VGLL3: variants seen among roughly 807,000 people sequenced by gnomAD.
VGLL3 encodes vestigial like family member 3.
VGLL3 carries 18 observed loss-of-function variants against 29.2 expected under a neutral mutation model. The observed-to-expected ratio is 0.62, with a 90% CI of 0.43 to 0.91. The LOEUF (loss-of-function observed/expected upper bound fraction) is 0.91, where lower values mean the gene tolerates loss of function less well. Ranked by LOEUF, VGLL3 falls within the 40% of genes least tolerant of loss-of-function variation. The pLI, the probability that VGLL3 is intolerant of heterozygous loss-of-function variation, is 0.00. For synonymous variants in VGLL3, 180 were observed against 151.8 expected, an observed-to-expected ratio of 1.19 and a Z score of -1.36; for missense variants, 440 against 413.2, an observed-to-expected ratio of 1.06 and a Z score of -0.56.
intron 3 of VGLL3, among the ~76,000 whole-genome samples, chr3:86,966,994 T>C (rs925799606): frequency 1.7e-4 from 26 of 151,536 alleles, no homozygotes; most frequent in South Asian, 1.3e-3. Flanking sequence ...TTCATCTTGA[T>C]GAGATTATTT....
chr3:86,978,579 T>C lies in VGLL3; in HGVS notation c.350A>G (p.His117Arg). ...SRALGQAITL[H>R]PESAISKSKM... The stretch of plus-strand genomic sequence containing the variant: ...GCTTTTTGAAATGGCAGATTCTGGA[T>C]GGAGGGTGATGGCTTGGCCCAAAGC... The change falls in exon 2 of 4, where the codon CAT becomes CGT. Residue 117 changes from histidine to arginine, a missense_variant. Coordinates refer to ENST00000398399, the MANE Select transcript of VGLL3 (RefSeq NM_016206.4). The C allele has an allele frequency of 6.2e-7, 1 of 1,614,160 alleles. No individual in the cohort carries two copies. Among genetic ancestry groups the C allele is most frequent in the South Asian group, 1.1e-5 (1 of 91,080 alleles).
chr3:86,989,853 G>C (rs1479331975), intron 1 of VGLL3, among the ~76,000 whole-genome samples: 1 of 152,062 alleles, frequency 6.6e-6, no homozygotes, highest in Non-Finnish European at 1.5e-5. Flanking sequence ...GAACTCTACT[G>C]TTCCTTCTAA....
chr3:86,952,862 AG>A (rs1378855272), intron 3 of VGLL3, among the ~76,000 whole-genome samples: 7 of 152,198 alleles, frequency 4.6e-5, no homozygotes, highest in African/African-American at 1.7e-4. Context: ...GATCACAAAA[AG>A]GTGCGAGAGA....
Position 86,987,121 on chromosome 3 carries a change from T to G in VGLL3, c.126+3497A>C, listed in dbSNP as rs145347145. 5.5e-4 allele frequency among the ~76,000 whole-genome samples: 83 copies of G among 152,288 alleles called. No homozygotes were observed. In the South Asian group the frequency reaches 0.015, roughly 27 times the overall value. Reference sequence around the variant, plus strand: ...AAAGGGGGATCTGGTGATCCTAATTTTGTCACCAGCTTTGAAATCTTTAGC... The same window carrying G: ...AAAGGGGGATCTGGTGATCCTAATTGTGTCACCAGCTTTGAAATCTTTAGC... On this transcript the variant is annotated intron_variant, in intron 1 of 3. Coordinates refer to ENST00000398399, the MANE Select transcript of VGLL3 (RefSeq NM_016206.4).
chr3:86,979,329 G>A (rs1299210737), intron 1 of VGLL3, among the ~76,000 whole-genome samples: 1 of 152,136 alleles, frequency 6.6e-6, no homozygotes, highest in Non-Finnish European at 1.5e-5. Flanking sequence ...TGGCAGATGT[G>A]CTGAACTCAT....
intron 1 of VGLL3, among the ~76,000 whole-genome samples, chr3:86,979,490 A>AGTGG (rs1313808583): frequency 6.6e-6 from 1 of 152,186 alleles, no homozygotes; most frequent in Non-Finnish European, 1.5e-5. Flanking sequence ...AAATACTAGT[A>AGTGG]GTGGGTTAAT....
At chr3:86,978,477 T>TGCGAAACAAAGACAGTGCCCTGGAGA in intron 2 of VGLL3, 49 bp downstream of exon 2, 4 of 1,586,294 alleles carry the variant, frequency 2.5e-6, no homozygotes, top group Non-Finnish European at 3.4e-6. Flanking sequence ...TACAGGCAGT[T>TGCGAAACAAAGACAGTGCCCTGGAGA]GCGAAACAAA....
chr3:86,990,762 G>C lies in VGLL3; in HGVS notation c.-19C>G. 7.7e-7 allele frequency: 1 copy of C among 1,297,722 alleles called. No individual in the cohort carries two copies. The highest frequency in any genetic ancestry group is 1.5e-5 in the African/African-American group (1 of 64,762). The allele number at this position is 1,297,722 out of a possible 1,614,324, so 80.4% of individuals were successfully genotyped here. On this transcript the variant is annotated 5_prime_UTR_variant, in exon 1 of 4. Coordinates refer to ENST00000398399, the MANE Select transcript of VGLL3 (RefSeq NM_016206.4). ...AACTCATGGCAGCCGGGGCAGTGGC[G>C]GCCCCCGAGCTGCCGCCGCCGCTCT...
chr3:86,971,911 C>G (rs1705109145), intron 2 of VGLL3, among the ~76,000 whole-genome samples: 1 of 152,174 alleles, frequency 6.6e-6, no homozygotes, highest in Non-Finnish European at 1.5e-5. Context: ...TCATTCTGCT[C>G]CTAACTTCCA....
At chr3:86,973,377 C>A (rs1430234602) in intron 2 of VGLL3, among the ~76,000 whole-genome samples, 1 of 152,090 alleles carries the variant, frequency 6.6e-6, no homozygotes, top group Non-Finnish European at 1.5e-5. Flanking sequence ...AATTCTTAAG[C>A]TAAAGTGTTC....
At chr3:86,960,323 T>C (rs1704811796) in intron 3 of VGLL3, among the ~76,000 whole-genome samples, 1 of 152,136 alleles carries the variant, frequency 6.6e-6, no homozygotes, top group South Asian at 2.1e-4. Context: ...TTAATGTGAT[T>C]CTGTTTTTAT....
At chr3:86,971,146 A>G (rs1380559164) in intron 2 of VGLL3, among the ~76,000 whole-genome samples, 2 of 152,226 alleles carry the variant, frequency 1.3e-5, no homozygotes, top group African/African-American at 4.8e-5. Context: ...AGAATATTCA[A>G]AACTCTGACA....
intron 3 of VGLL3, among the ~76,000 whole-genome samples, chr3:86,950,029 T>C (rs1704586165): frequency 6.6e-6 from 1 of 152,116 alleles, no homozygotes; most frequent in Non-Finnish European, 1.5e-5. Context: ...TTCCCAAGAC[T>C]TTTCTTGCCA....
chr3:86,988,479 C>T (rs1170245920), intron 1 of VGLL3, among the ~76,000 whole-genome samples: 1 of 151,338 alleles, frequency 6.6e-6, no homozygotes, highest in Non-Finnish European at 1.5e-5. Flanking sequence ...TCTAAAAATG[C>T]TGTCAGCCTG....
rs532843794 is a variant in VGLL3, at chr3:86,983,758, T to C, written c.127-4956A>G. 2.6e-5 allele frequency among the ~76,000 whole-genome samples: 4 copies of C among 152,322 alleles called. No homozygotes were observed. The South Asian group carries it at 6.2e-4, about 24-fold the overall frequency. On this transcript the variant is annotated intron_variant, in intron 1 of 3. Transcript: ENST00000398399. ...ATTTGGAGAAGGATAGGTCAAGTTA[T>C]ATGAGGTTGGGTCAAGTTAAGGAAC... is the stretch of plus-strand genomic sequence containing the variant.
chr3:86,971,591 A>C (rs903301153), intron 2 of VGLL3, among the ~76,000 whole-genome samples: 2 of 152,230 alleles, frequency 1.3e-5, no homozygotes, highest in Non-Finnish European at 2.9e-5. Flanking sequence ...AATACCACCT[A>C]TAATCAGCCT....
At chr3:86,961,582 G>A (rs1181425002) in intron 3 of VGLL3, among the ~76,000 whole-genome samples, 1 of 151,990 alleles carries the variant, frequency 6.6e-6, no homozygotes, top group African/African-American at 2.4e-5. Flanking sequence ...TGTTGTACAC[G>A]ATCACAAATA....
At chr3:86,956,714 A>G (rs925118726) in intron 3 of VGLL3, among the ~76,000 whole-genome samples, 3 of 150,486 alleles carry the variant, frequency 2.0e-5, no homozygotes, top group Non-Finnish European at 4.4e-5. Context: ...GAACCCGGGA[A>G]GCGGAGCTTG....
chr3:86,959,828 A>G (rs1704801491), intron 3 of VGLL3, among the ~76,000 whole-genome samples: 1 of 152,158 alleles, frequency 6.6e-6, no homozygotes, highest in Non-Finnish European at 1.5e-5. Flanking sequence ...CTTTCCTGCA[A>G]CTAGTGATTT....
Sources: allele counts gnomAD v4.1 joint callset (sites outside exome capture counted in the v4.1 genomes callset), GRCh38; gene constraint gnomAD v4.1.1; transcripts MANE v1.5; gene names NCBI Gene and HGNC (gene_info 2026-07-23, HGNC 2026-07-21).